The following ITGB5 variants were observed in gnomAD, a reference collection of about 807,000 sequenced individuals.
ITGB5 encodes integrin subunit beta 5, also known as integrin beta-5.
A neutral mutation model predicts 84.8 loss-of-function variants in ITGB5; 38 were observed. The ratio of observed to expected loss-of-function variants is 0.45; its 90% CI spans 0.35 to 0.59. ITGB5 has a LOEUF of 0.59. Among genes scored for constraint, ITGB5 ranks in the 20% least tolerant of loss-of-function variants. ITGB5 has a pLI of 0.01. For missense variants in ITGB5, 905 were observed against 1,034.5 expected (o/e 0.87, Z 1.72); for synonymous variants, 393 against 414.4 (o/e 0.95, Z 0.63).
rs145112120 is a variant in ITGB5 at position 124,873,336 on chromosome 3, G to A, written c.156+110C>T. On this transcript the variant is annotated intron_variant, in intron 2 of 14. Coordinates refer to ENST00000296181, the MANE Select transcript of ITGB5 (RefSeq NM_002213.5). The stretch of plus-strand genomic sequence containing the variant: ...GGGGAAGAGGCAGCTTACAGAATCT[G>A]CACAGGATTTTTATGTATAGTGAAT... The A allele has an allele frequency of 1.0e-3, 836 of 803,936 alleles. 7 individuals carry two copies. In the African/African-American group the frequency reaches 0.011, roughly 11 times the overall value. The allele number at this position is 803,936 out of a possible 1,614,324, so 49.8% of individuals were successfully genotyped here.
chr3:124,821,240 G>A (rs1035139691), intron 6 of ITGB5, 73 bp downstream of exon 6: 52 of 1,503,704 alleles, frequency 3.5e-5, no homozygotes, highest in Admixed American at 5.9e-5. Context: ...TTCAAGGCTG[G>A]GCAAGTACTA....
At chr3:124,863,992 AAAAG>A (rs1193444703) in intron 2 of ITGB5, among the ~76,000 whole-genome samples, 2 of 150,392 alleles carry the variant, frequency 1.3e-5, no homozygotes, top group African/African-American at 4.9e-5. Flanking sequence ...AAAAAGAAAA[AAAAG>A]AAAGAGAGAG....
intron 10 of ITGB5, among the ~76,000 whole-genome samples, chr3:124,793,418 A>C (rs2064177470): frequency 6.6e-6 from 1 of 152,242 alleles, no homozygotes; most frequent in Non-Finnish European, 1.5e-5. Context: ...GGCTACTAAG[A>C]GGAATGGAAA....
At chr3:124,883,339 G>A (rs533011640) in intron 1 of ITGB5, among the ~76,000 whole-genome samples, 43 of 152,258 alleles carry the variant, frequency 2.8e-4, no homozygotes, top group Middle Eastern at 3.4e-3. Flanking sequence ...ACAAGCAGGC[G>A]GGGAATACTA....
intron 8 of ITGB5, among the ~76,000 whole-genome samples, chr3:124,817,102 G>A (rs1360304101): frequency 6.6e-6 from 1 of 152,102 alleles, no homozygotes; most frequent in East Asian, 1.9e-4. Flanking sequence ...ATGGATTGTC[G>A]ATTCTCCCAT....
intron 2 of ITGB5, among the ~76,000 whole-genome samples, chr3:124,868,384 G>A (rs868754926): frequency 6.6e-6 from 1 of 151,812 alleles, no homozygotes; most frequent in Non-Finnish European, 1.5e-5. Context: ...AAGACAGGCA[G>A]TGACCCATAC....
chr3:124,897,668 A>AT (rs891075009), intron 1 of ITGB5, among the ~76,000 whole-genome samples: 1 of 152,122 alleles, frequency 6.6e-6, no homozygotes, highest in African/African-American at 2.4e-5. Flanking sequence ...ATAAAGAAAA[A>AT]TTTTTTTTTA....
intron 9 of ITGB5, among the ~76,000 whole-genome samples, chr3:124,804,706 ACCC>A (rs969538295): frequency 7.9e-5 from 12 of 152,264 alleles, no homozygotes; most frequent in Non-Finnish European, 1.5e-4. Flanking sequence ...TTGTTCTGTC[ACCC>A]AGGCTAGAGT....
At chr3:124,809,206 T>G (rs1394647936) in intron 8 of ITGB5, 50 bp from the exon 9 acceptor site, 2 of 1,604,790 alleles carry the variant, frequency 1.2e-6, no homozygotes, top group African/African-American at 1.3e-5. Context: ...AGGCTGTGGC[T>G]GAGGTGCTCC....
chr3:124,843,798 G>A (rs2065041536), intron 4 of ITGB5, among the ~76,000 whole-genome samples: 1 of 152,182 alleles, frequency 6.6e-6, no homozygotes, highest in Admixed American at 6.5e-5. Flanking sequence ...TCTGTGCTGT[G>A]AGACCCCAAA....
At chr3:124,775,551 G>T (rs1012722606) in intron 10 of ITGB5, among the ~76,000 whole-genome samples, 9 of 152,078 alleles carry the variant, frequency 5.9e-5, no homozygotes, top group African/African-American at 2.2e-4. Context: ...GCTACAATTG[G>T]TATTTTTTAA....
intron 9 of ITGB5, among the ~76,000 whole-genome samples, chr3:124,800,762 G>A (rs546172508): frequency 6.6e-6 from 1 of 152,318 alleles, no homozygotes; most frequent in Admixed American, 6.5e-5. Context: ...TACTGGATTT[G>A]GAAAGAATCC....
intron 4 of ITGB5, among the ~76,000 whole-genome samples, chr3:124,845,677 A>C (rs2065067455): frequency 6.6e-6 from 1 of 152,226 alleles, no homozygotes; most frequent in Non-Finnish European, 1.5e-5. Context: ...CTGAGCGCCT[A>C]GAGCCAGCCC....
chr3:124,784,965 A>C (rs2064059354), intron 10 of ITGB5, among the ~76,000 whole-genome samples: 1 of 152,218 alleles, frequency 6.6e-6, no homozygotes, highest in African/African-American at 2.4e-5. Flanking sequence ...TGCCTTCTCA[A>C]AGGACGGAGG....
At chr3:124,811,206 C>T (rs976559203) in intron 8 of ITGB5, among the ~76,000 whole-genome samples, 1 of 152,158 alleles carries the variant, frequency 6.6e-6, no homozygotes, top group Non-Finnish European at 1.5e-5. Context: ...ATTTGCAGAT[C>T]TGTCTTCCCT....
chr3:124,782,302 A>G (rs1211427147), intron 10 of ITGB5, among the ~76,000 whole-genome samples: 1 of 152,228 alleles, frequency 6.6e-6, no homozygotes, highest in Non-Finnish European at 1.5e-5. Context: ...AATTTCACCC[A>G]TATCTGTTTG....
chr3:124,767,023 A>T (rs3772817), intron 12 of ITGB5, among the ~76,000 whole-genome samples: 1 of 152,094 alleles, frequency 6.6e-6, no homozygotes, highest in African/African-American at 2.4e-5. Flanking sequence ...CCTTGCTGCC[A>T]TTCCCCAAGG....
intron 10 of ITGB5, among the ~76,000 whole-genome samples, chr3:124,775,494 T>C (rs2063913880): frequency 6.6e-6 from 1 of 152,164 alleles, no homozygotes; most frequent in African/African-American, 2.4e-5. Context: ...ACCAAGGGCC[T>C]GACAGTGGAG....
chr3:124,821,152 T>C (rs766411687), intron 6 of ITGB5, among the ~76,000 whole-genome samples, 161 bp downstream of exon 6: 5 of 152,224 alleles, frequency 3.3e-5, no homozygotes, highest in Admixed American at 6.5e-5. Context: ...GGAAACCCAG[T>C]TGGAGAAGAC....
Sources: allele counts gnomAD v4.1 joint callset (sites outside exome capture counted in the v4.1 genomes callset), GRCh38; gene constraint gnomAD v4.1.1; transcripts MANE v1.5; gene names NCBI Gene and HGNC (gene_info 2026-07-23, HGNC 2026-07-21).